ECT2: variants seen among roughly 807,000 people sequenced by gnomAD.
ECT2 encodes protein ECT2.
A neutral mutation model predicts 116.9 loss-of-function variants in ECT2; 61 were observed. The observed-to-expected ratio is 0.52, with a 90% CI of 0.42 to 0.65. The LOEUF is 0.65. Among genes scored for constraint, ECT2 ranks in the 30% least tolerant of loss-of-function variants. The probability of loss-of-function intolerance (pLI) is 0.00; values close to 1 mark genes in which losing one functional copy is unlikely to be tolerated. For synonymous variants in ECT2, 358 were observed against 346.4 expected, an observed-to-expected ratio of 1.03 and a Z score of -0.37; for missense variants, 937 against 1,078.7, an observed-to-expected ratio of 0.87 and a Z score of 1.84.
rs765239322 is a variant in ECT2, at chr3:172,802,850, A to C, written c.1987-11A>C. On this transcript the variant is annotated splice_polypyrimidine_tract_variant and intron_variant, in intron 19 of 24. Coordinates refer to ENST00000392692, the MANE Select transcript of ECT2 (RefSeq NM_001258315.2). ...AAGTGATCTCTTTTGTTATATTTTC[A>C]ACCTATACAGGCTAATCTTTTATCT... The C allele has an allele frequency of 1.3e-6, 2 of 1,599,270 alleles. No individual in the cohort carries two copies. The highest frequency in any genetic ancestry group is 1.7e-6 in the Non-Finnish European group (2 of 1,175,860).
chr3:172,756,891 T>G, intron 4 of ECT2, 92 bp from the exon 5 acceptor site: 1 of 1,049,912 alleles, frequency 9.5e-7, no homozygotes, highest in South Asian at 1.6e-5. Context: ...TTAAAGTTGA[T>G]ATTGAATTGA....
At chr3:172,795,147 C>CTA (rs1194914702) in intron 18 of ECT2, among the ~76,000 whole-genome samples, 3 of 151,658 alleles carry the variant, frequency 2.0e-5, no homozygotes, top group Non-Finnish European at 4.4e-5. Context: ...GTATTCTATT[C>CTA]TTTTTGATGC....
intron 13 of ECT2, among the ~76,000 whole-genome samples, chr3:172,770,513 T>A (rs1481426569): frequency 6.6e-6 from 1 of 152,038 alleles, no homozygotes; most frequent in Non-Finnish European, 1.5e-5. Flanking sequence ...TTAAAAAAAT[T>A]TTTTTTTATA....
chr3:172,804,399 T>C (rs950527840), intron 20 of ECT2, among the ~76,000 whole-genome samples: 2 of 152,184 alleles, frequency 1.3e-5, no homozygotes, highest in African/African-American at 4.8e-5. Context: ...TGTACACAAT[T>C]GACTGTCTCC....
At chr3:172,803,371 G>A (rs1055224728) in intron 20 of ECT2, among the ~76,000 whole-genome samples, 1 of 152,122 alleles carries the variant, frequency 6.6e-6, no homozygotes, top group African/African-American at 2.4e-5. Flanking sequence ...TGAAGAGGGA[G>A]ATAACTTGAT....
chr3:172,806,729 T>A (rs1727822479), intron 21 of ECT2, among the ~76,000 whole-genome samples: 1 of 143,194 alleles, frequency 7.0e-6, no homozygotes, highest in Non-Finnish European at 1.5e-5. Flanking sequence ...CTTGGTTCAC[T>A]GCAGCTCCCG....
At chr3:172,778,824 T>C (rs887467076) in intron 14 of ECT2, among the ~76,000 whole-genome samples, 7 of 152,106 alleles carry the variant, frequency 4.6e-5, no homozygotes, top group African/African-American at 1.7e-4. Flanking sequence ...CTCGAACTCC[T>C]GACCTTGTGA....
chr3:172,755,438 GT>G, intron 3 of ECT2, 44 bp from the exon 4 acceptor site: 2 of 1,528,648 alleles, frequency 1.3e-6, no homozygotes, highest in South Asian at 1.2e-5. Flanking sequence ...TGTGTAAATA[GT>G]TTCATAGCTT....
At chr3:172,756,401 C>T (rs1716996164) in intron 4 of ECT2, among the ~76,000 whole-genome samples, 1 of 151,856 alleles carries the variant, frequency 6.6e-6, no homozygotes, top group South Asian at 2.1e-4. Flanking sequence ...AGTAACTTGC[C>T]TTTTTATATC....
chr3:172,816,760 G>A lies in ECT2; in HGVS notation c.2578G>A (p.Gly860Ser), dbSNP rs777360735. 23 of 1,610,718 alleles carry A rather than the reference G, an allele frequency of 1.4e-5. No individual in the cohort carries two copies. The Admixed American group carries it at 1.7e-4, about 12-fold the overall frequency. The stretch of plus-strand genomic sequence containing the variant: ...TCGAAGGGCTCTTATGACATCCCAC[G>A]GCTCAGTGGAGGGAAGAAGTCCTTC... ...ALRRALMTSH[G>S]SVEGRSPSSN... Residue 860 changes from glycine to serine, a missense_variant, in exon 24 of 25, where the codon GGC (glycine) becomes AGC (serine). By Grantham distance (56) the Gly-to-Ser change is moderately conservative. Coordinates refer to ENST00000392692, the MANE Select transcript of ECT2 (RefSeq NM_001258315.2).
At chr3:172,791,179 T>G (rs1343858700) in intron 18 of ECT2, among the ~76,000 whole-genome samples, 1 of 152,142 alleles carries the variant, frequency 6.6e-6, no homozygotes, top group East Asian at 1.9e-4. Flanking sequence ...TAAACCATGG[T>G]GATGTGCTGT....
intron 14 of ECT2, among the ~76,000 whole-genome samples, chr3:172,781,727 C>T (rs1722731031): frequency 6.6e-6 from 1 of 152,140 alleles, no homozygotes; most frequent in Non-Finnish European, 1.5e-5. Flanking sequence ...CAGCCACACT[C>T]ATTTATTCAC....
chr3:172,778,781 G>A (rs902068944), intron 14 of ECT2, among the ~76,000 whole-genome samples: 3 of 151,784 alleles, frequency 2.0e-5, no homozygotes, highest in African/African-American at 7.3e-5. Flanking sequence ...ATTTTTAGTA[G>A]AGACGGAGTT....
At chr3:172,828,740 G>T in the ECT2 span, 2 of 545,312 alleles carry the variant, frequency 3.7e-6, no homozygotes, top group South Asian at 2.0e-5. Flanking sequence ...CTCACGTGGC[G>T]AAGAGGATGA....
At chr3:172,754,686 A>C in intron 2 of ECT2, 26 bp downstream of exon 2, 1 of 1,532,054 alleles carries the variant, frequency 6.5e-7, no homozygotes, top group South Asian at 1.2e-5. Flanking sequence ...GCTTTAAAAC[A>C]ATCAATTTCT....
chr3:172,798,907 G>T (rs1726219644), intron 18 of ECT2, among the ~76,000 whole-genome samples: 1 of 152,112 alleles, frequency 6.6e-6, no homozygotes, highest in African/African-American at 2.4e-5. Flanking sequence ...TGACTTCAAA[G>T]GTTCCTAGCC....
At position 172,815,679 on chromosome 3, in the gene ECT2, G is replaced by A; in HGVS notation, c.2476G>A (p.Ala826Thr). The change falls in exon 23 of 25, where the codon GCA becomes ACA. Residue 826 changes from alanine to threonine, a missense_variant. By Grantham distance (58) the Ala-to-Thr change is moderately conservative. Coordinates refer to ENST00000392692, the MANE Select transcript of ECT2 (RefSeq NM_001258315.2). Reference sequence around the variant, plus strand: ...AGATATGGACAGTACATTGAGTAGAGCATCAAGAGCAATAAAAAAGACTTC... The same window carrying A: ...AGATATGGACAGTACATTGAGTAGAACATCAAGAGCAATAAAAAAGACTTC... ...TKDMDSTLSR[A>T]SRAIKKTSKK... The A allele has an allele frequency of 6.2e-7, 1 of 1,602,918 alleles. No homozygotes were observed.
chr3:172,767,997 G>A (rs545434835), intron 12 of ECT2, among the ~76,000 whole-genome samples: 6 of 152,156 alleles, frequency 3.9e-5, no homozygotes, highest in African/African-American at 9.7e-5. Context: ...CTCCCAAAGC[G>A]TTGGGATTAC....
chr3:172,758,956 A>G (rs745856034), intron 5 of ECT2, 24 bp from the exon 6 acceptor site: 1 of 1,567,254 alleles, frequency 6.4e-7, no homozygotes, highest in East Asian at 2.2e-5. Context: ...GAAAGCTCAC[A>G]TTTAAAATTG....
Sources: allele counts gnomAD v4.1 joint callset (sites outside exome capture counted in the v4.1 genomes callset), GRCh38; gene constraint gnomAD v4.1.1; transcripts MANE v1.5; gene names NCBI Gene and HGNC (gene_info 2026-07-23, HGNC 2026-07-21).